The following DAGLA variants were observed in gnomAD, a reference collection of about 807,000 sequenced individuals.
DAGLA encodes diacylglycerol lipase-alpha.
In DAGLA, 22 loss-of-function variants were observed where a neutral mutation model predicts 102.6. That is an observed-to-expected ratio of 0.21 (90% CI 0.15 to 0.31). DAGLA has a LOEUF of 0.31. Ranked by LOEUF, DAGLA falls within the 10% of genes least tolerant of loss-of-function variation. DAGLA has a pLI of 1.00. For missense variants in DAGLA, 927 were observed against 1,446.6 expected, an observed-to-expected ratio of 0.64 and a Z score of 5.83; for synonymous variants, 578 against 628.9, an observed-to-expected ratio of 0.92 and a Z score of 1.21.
intron 17 of DAGLA, among the ~76,000 whole-genome samples, chr11:61,740,157 TC>T (rs1416202388): frequency 1.3e-5 from 2 of 152,142 alleles, no homozygotes; most frequent in African/African-American, 4.8e-5. Context: ...CCCTCCAGGG[TC>T]GGCTTCCTCC....
chr11:61,725,979 C>T lies in DAGLA; in HGVS notation c.549-16C>T. ...AGCCCTCTGACCTCACACATACCGC[C>T]TCTCCTGCTTTGCAGGCACCGCTTA... is the stretch of plus-strand genomic sequence containing the variant. On this transcript the variant is annotated splice_polypyrimidine_tract_variant and intron_variant, in intron 5 of 19. Transcript: ENST00000257215. The T allele has an allele frequency of 1.2e-6, 2 of 1,612,374 alleles. No homozygotes were observed. Among genetic ancestry groups the T allele is most frequent in the Middle Eastern group, 1.7e-4 (1 of 6,060 alleles).
At chr11:61,683,335 G>A (rs2064960219) in intron 1 of DAGLA, among the ~76,000 whole-genome samples, 1 of 152,208 alleles carries the variant, frequency 6.6e-6, no homozygotes, top group South Asian at 2.1e-4. Flanking sequence ...ACACTGTCCA[G>A]CATTGCAGGT....
At chr11:61,712,495 G>A (rs1044457895) in intron 1 of DAGLA, among the ~76,000 whole-genome samples, 12 of 152,202 alleles carry the variant, frequency 7.9e-5, no homozygotes, top group Admixed American at 3.3e-4. Context: ...GCTGCACAAG[G>A]CACACTGTTT....
intron 1 of DAGLA, among the ~76,000 whole-genome samples, chr11:61,691,237 T>A (rs1372762886): frequency 1.3e-5 from 2 of 152,206 alleles, no homozygotes; most frequent in Admixed American, 6.5e-5. Flanking sequence ...AAGTTTAACC[T>A]TAATGGTGTA....
At chr11:61,688,688 C>T (rs76556469) in intron 1 of DAGLA, among the ~76,000 whole-genome samples, 3,313 of 152,340 alleles carry the variant, frequency 0.022, 142 homozygotes, top group East Asian at 0.13. Flanking sequence ...CCATCTCCCA[C>T]ATGCAGCCTA....
At chr11:61,714,306 A>T (rs1409353689) in intron 1 of DAGLA, among the ~76,000 whole-genome samples, 1 of 152,120 alleles carries the variant, frequency 6.6e-6, no homozygotes, top group Non-Finnish European at 1.5e-5. Flanking sequence ...GCAGGAGTAA[A>T]ATGGGGGCCC....
At position 61,735,732 on chromosome 11, in the gene DAGLA, C is replaced by T. The variant is rs921679522; in HGVS notation, c.1213-7C>T. 2 of 1,613,400 alleles carry T rather than the reference C, an allele frequency of 1.2e-6. No individual in the cohort carries two copies. Among genetic ancestry groups the T allele is most frequent in the African/African-American group, 2.7e-5 (2 of 74,908 alleles). Reference sequence around the variant, plus strand: ...CCGCCCCCTCACCTGTCTCCTCTCTCCCCAAGGATGCCCTGACTGACCTGA... The same window carrying T: ...CCGCCCCCTCACCTGTCTCCTCTCTTCCCAAGGATGCCCTGACTGACCTGA... On this transcript the variant is annotated splice_polypyrimidine_tract_variant and splice_region_variant and intron_variant, in intron 11 of 19. Coordinates refer to ENST00000257215, the MANE Select transcript of DAGLA (RefSeq NM_006133.3).
chr11:61,691,904 A>T (rs990977006), intron 1 of DAGLA, among the ~76,000 whole-genome samples: 1 of 152,134 alleles, frequency 6.6e-6, no homozygotes, highest in African/African-American at 2.4e-5. Context: ...GAGTGTTAGG[A>T]GGTGACATGA....
chr11:61,688,403 A>G (rs1163251659), intron 1 of DAGLA, among the ~76,000 whole-genome samples: 1 of 151,928 alleles, frequency 6.6e-6, no homozygotes, highest in Non-Finnish European at 1.5e-5. Context: ...GGCTGGGCAC[A>G]TAAACCCAAG....
chr11:61,695,600 G>C (rs563462732), intron 1 of DAGLA, among the ~76,000 whole-genome samples: 2 of 152,226 alleles, frequency 1.3e-5, no homozygotes, highest in Non-Finnish European at 2.9e-5. Context: ...GTGGGGACCT[G>C]GCCACAGGCG....
At chr11:61,701,519 T>G (rs936782302) in intron 1 of DAGLA, among the ~76,000 whole-genome samples, 3 of 152,080 alleles carry the variant, frequency 2.0e-5, no homozygotes, top group Non-Finnish European at 4.4e-5. Context: ...TGAGCCCCCA[T>G]GTGGTGGGGA....
intron 1 of DAGLA, among the ~76,000 whole-genome samples, chr11:61,704,696 G>A (rs2065135362): frequency 6.6e-6 from 1 of 152,186 alleles, no homozygotes; most frequent in Admixed American, 6.5e-5. Context: ...CTGTTTGTGA[G>A]GCGTTCACTT....
Position 61,744,050 on chromosome 11 carries a change from T to G in DAGLA, c.2690T>G (p.Leu897Arg). 6.2e-7 allele frequency: 1 copy of G among 1,612,708 alleles called. No individual in the cohort carries two copies. The highest frequency in any genetic ancestry group is 8.5e-7 in the Non-Finnish European group (1 of 1,179,918). ...CCGGCCTCCCGCGGGGAGCTGGCGCTGCACAATGGGCGCCTGGGGGACTCG... is the reference window on the plus strand; with the variant it reads ...CCGGCCTCCCGCGGGGAGCTGGCGCGGCACAATGGGCGCCTGGGGGACTCG... ...GGPASRGELALHNGRLGDSPS... is the reference protein window; with the variant it reads ...GGPASRGELARHNGRLGDSPS... The change falls in exon 20 of 20, where the codon CTG becomes CGG. Residue 897 changes from leucine (L) to arginine (R), a missense_variant. Leu to Arg is a moderately radical substitution (Grantham distance 102). This residue lies in a region of DAGLA where 434 missense variants were observed against 503.3 expected (regional missense o/e 0.86). Transcript: ENST00000257215.
At position 61,734,918 on chromosome 11, in the gene DAGLA, C is replaced by T. The variant is rs1274991391; in HGVS notation, c.1044C>T (p.Gly348=). The T allele has an allele frequency of 1.2e-6, 2 of 1,613,990 alleles. No individual in the cohort carries two copies. The highest frequency in any genetic ancestry group is 1.3e-5 in the African/African-American group (1 of 74,936). ...CCATCGAGGAAGACAACTGCTGTGG[C>T]TGTAATGCCATTGCCATCCGGCGCC... ...GVTIEEDNCC[G]CNAIAIRRHF... is the part of the protein sequence containing the mutation. The change falls in exon 10 of 20, where the codon GGC becomes GGT. Residue 348 remains glycine (G), a synonymous_variant. Coordinates refer to ENST00000257215, the MANE Select transcript of DAGLA (RefSeq NM_006133.3). This position sits in a 1 kb window ranked among gnomAD's most constrained non-coding sequence, Gnocchi z 4.2.
Position 61,718,745 on chromosome 11 carries a change from C to A in DAGLA, c.-44-1367C>A, listed in dbSNP as rs537921182. 5.9e-5 allele frequency among the ~76,000 whole-genome samples: 9 copies of A among 152,274 alleles called. No homozygotes were observed. The South Asian group carries it at 1.7e-3, about 28-fold the overall frequency. On this transcript the variant is annotated intron_variant, in intron 1 of 19. Transcript: ENST00000257215. Reference sequence around the variant, plus strand: ...AGGGTGGGGGGAGGAGTAGGCACGACCCCGGCAGGCTAGCCCGCCAGCCCG... The same window carrying A: ...AGGGTGGGGGGAGGAGTAGGCACGAACCCGGCAGGCTAGCCCGCCAGCCCG...
In DAGLA at chr11:61,728,176, C is replaced by T; in HGVS notation, c.660C>T (p.Tyr220=). The T allele has an allele frequency of 6.2e-7, 1 of 1,614,154 alleles. No homozygotes were observed. Among genetic ancestry groups the T allele is most frequent in the East Asian group, 2.2e-5 (1 of 44,888 alleles). Residue 220 remains tyrosine, a synonymous_variant, in exon 7 of 20, where the codon TAC becomes TAT. Transcript: ENST00000257215. ...AGGATGCCTACTCAGAAATCGCCTA[C>T]CTCTTTGCGGAGTTCTTCCGGGACC... ...SQSDAYSEIA[Y]LFAEFFRDLD... is the part of the protein sequence containing the mutation.
chr11:61,714,227 T>C (rs1208701436), intron 1 of DAGLA, among the ~76,000 whole-genome samples: 2 of 152,210 alleles, frequency 1.3e-5, no homozygotes, highest in African/African-American at 2.4e-5. Context: ...CTGGGGACAC[T>C]GCTCTTCATT....
At chr11:61,700,304 C>G (rs1002277288) in intron 1 of DAGLA, among the ~76,000 whole-genome samples, 1 of 152,112 alleles carries the variant, frequency 6.6e-6, no homozygotes, top group Non-Finnish European at 1.5e-5. Flanking sequence ...TTTTCTGCAG[C>G]AGCCTGTCTG....
rs139765988 is a variant in DAGLA at position 61,682,975 on chromosome 11, C to T, written c.-45+2471C>T. Among the ~76,000 whole-genome samples, 3 of 152,280 alleles carry T rather than the reference C, an allele frequency of 2.0e-5. No individual in the cohort carries two copies. In the East Asian group the frequency reaches 5.8e-4, roughly 29 times the overall value. On this transcript the variant is annotated intron_variant, in intron 1 of 19. Transcript: ENST00000257215. The stretch of plus-strand genomic sequence containing the variant: ...TGTGGCCCCACTTCTGGCTGAAGTG[C>T]CTTCCCAGGTGGGGAGGATGAGGGT...
Sources: gnomAD v4.1 joint callset for allele counts (sites outside exome capture counted in the v4.1 genomes callset) on GRCh38, gnomAD v4.1.1 for gene constraint, gnomAD v4.1.1 regional missense constraint, Gnocchi (gnomAD v3.1) non-coding constraint, MANE v1.5 for transcripts, NCBI Gene and HGNC (gene_info 2026-07-23, HGNC 2026-07-21) for gene names.